KIAA1217: variants seen among roughly 807,000 people sequenced by gnomAD.
The protein encoded by KIAA1217 is sickle tail protein homolog.
KIAA1217 carries 88 observed loss-of-function variants against 163.9 expected under a neutral mutation model. That is an observed-to-expected ratio of 0.54 (90% CI 0.45 to 0.64). The LOEUF is 0.64. Ranked by LOEUF, KIAA1217 falls within the 30% of genes least tolerant of loss-of-function variation. The pLI, the probability that KIAA1217 is intolerant of heterozygous loss-of-function variation, is 0.00. For synonymous variants in KIAA1217, 903 were observed against 923.1 expected (o/e 0.98, Z 0.39); for missense variants, 2,372 against 2,475.0 (o/e 0.96, Z 0.88).
intron 4 of KIAA1217, among the ~76,000 whole-genome samples, chr10:24,436,887 G>A (rs1253805999): frequency 6.6e-6 from 1 of 151,766 alleles, no homozygotes; most frequent in African/African-American, 2.4e-5. Flanking sequence ...TTTCTGAAGC[G>A]TGAGCATATT....
At chr10:24,408,569 G>A (rs572773766) in intron 3 of KIAA1217, among the ~76,000 whole-genome samples, 9 of 152,138 alleles carry the variant, frequency 5.9e-5, no homozygotes, top group African/African-American at 1.9e-4. Flanking sequence ...CTCATCCCCT[G>A]CCACCCTCCT....
At chr10:24,071,656 G>A (rs2061190808) in intron 2 of KIAA1217, among the ~76,000 whole-genome samples, 1 of 152,142 alleles carries the variant, frequency 6.6e-6, no homozygotes, top group Non-Finnish European at 1.5e-5. Context: ...AGCCTAGTAT[G>A]GATTCACTCA....
intron 2 of KIAA1217, among the ~76,000 whole-genome samples, chr10:24,017,040 GT>G (rs35042335): frequency 0.3 from 38,977 of 128,976 alleles, 2,851 homozygotes; most frequent in East Asian, 0.33. Context: ...TAGTTTTTTT[GT>G]TTTTTTTTTT....
intron 1 of KIAA1217, among the ~76,000 whole-genome samples, chr10:23,733,519 A>G (rs1025697227): frequency 6.6e-6 from 1 of 152,182 alleles, no homozygotes; most frequent in Non-Finnish European, 1.5e-5. Flanking sequence ...TGTTTATTTT[A>G]AATCATCTTT....
intron 3 of KIAA1217, among the ~76,000 whole-genome samples, chr10:24,385,421 T>C (rs1208799264): frequency 1.3e-5 from 2 of 152,196 alleles, no homozygotes; most frequent in African/African-American, 4.8e-5. Flanking sequence ...CTGGTGTCTG[T>C]GTAATGGTCT....
At chr10:23,736,373 C>A (rs1469103601) in intron 1 of KIAA1217, among the ~76,000 whole-genome samples, 1 of 152,162 alleles carries the variant, frequency 6.6e-6, no homozygotes, top group South Asian at 2.1e-4. Flanking sequence ...TTGTCCCTCC[C>A]TTTTCATGTG....
intron 2 of KIAA1217, among the ~76,000 whole-genome samples, chr10:24,361,567 T>G (rs2050003516): frequency 6.6e-6 from 1 of 152,218 alleles, no homozygotes. Flanking sequence ...AGCTACTTCA[T>G]CATTGCATGT....
At chr10:23,881,318 T>C (rs919434949) in intron 1 of KIAA1217, among the ~76,000 whole-genome samples, 6 of 152,014 alleles carry the variant, frequency 3.9e-5, no homozygotes, top group Non-Finnish European at 8.8e-5. Flanking sequence ...AATATATTAA[T>C]GAATAATCTA....
At chr10:23,769,750 G>A (rs1001977400) in intron 1 of KIAA1217, among the ~76,000 whole-genome samples, 1 of 152,218 alleles carries the variant, frequency 6.6e-6, no homozygotes, top group African/African-American at 2.4e-5. Context: ...TTCAAGTCTA[G>A]TGAGGACTTA....
chr10:24,151,281 A>G (rs909001359), intron 2 of KIAA1217, among the ~76,000 whole-genome samples: 4 of 151,930 alleles, frequency 2.6e-5, no homozygotes, highest in African/African-American at 9.7e-5. Context: ...AATTTCACAT[A>G]TTTTATCTCA....
chr10:24,372,367 G>T (rs2051786964), intron 2 of KIAA1217, among the ~76,000 whole-genome samples: 1 of 152,192 alleles, frequency 6.6e-6, no homozygotes, highest in African/African-American at 2.4e-5. Flanking sequence ...GTGGCATCTG[G>T]TGTGGTGATC....
chr10:23,988,653 G>A (rs1846085351), intron 1 of KIAA1217, among the ~76,000 whole-genome samples: 1 of 152,108 alleles, frequency 6.6e-6, no homozygotes, highest in Non-Finnish European at 1.5e-5. Flanking sequence ...TCATTGTTAG[G>A]TTTTAAGATG....
chr10:24,166,911 CA>C (rs2065375833), intron 2 of KIAA1217, among the ~76,000 whole-genome samples: 1 of 152,064 alleles, frequency 6.6e-6, no homozygotes, highest in African/African-American at 2.4e-5. Flanking sequence ...AAAAATTAAT[CA>C]TTTTTTTAAA....
intron 1 of KIAA1217, among the ~76,000 whole-genome samples, chr10:23,887,983 A>G (rs1229053281): frequency 6.6e-6 from 1 of 151,914 alleles, no homozygotes; most frequent in Admixed American, 6.6e-5. Context: ...ATTTTGATAC[A>G]TTACTTAGGA....
intron 1 of KIAA1217, among the ~76,000 whole-genome samples, chr10:23,756,768 A>G (rs988222945): frequency 6.6e-6 from 1 of 152,248 alleles, no homozygotes; most frequent in African/African-American, 2.4e-5. Flanking sequence ...AACATGTATA[A>G]CATAACATAA....
At chr10:23,925,297 C>A (rs868424856) in intron 1 of KIAA1217, among the ~76,000 whole-genome samples, 4 of 152,278 alleles carry the variant, frequency 2.6e-5, no homozygotes, top group Middle Eastern at 6.8e-3. Flanking sequence ...TGCCCCTGAT[C>A]AACAAATATT....
intron 2 of KIAA1217, among the ~76,000 whole-genome samples, chr10:24,282,401 C>T (rs935864059): frequency 6.6e-6 from 1 of 152,038 alleles, no homozygotes; most frequent in South Asian, 2.1e-4. Context: ...TGCTATGTTC[C>T]CCCTCCTTCA....
intron 1 of KIAA1217, among the ~76,000 whole-genome samples, chr10:23,991,345 A>G (rs1695539105): frequency 1.3e-5 from 2 of 152,168 alleles, no homozygotes; most frequent in Non-Finnish European, 1.5e-5. Flanking sequence ...CACGTAGCCC[A>G]TCATGTACTG....
At chr10:23,860,363 A>G (rs1030164734) in intron 1 of KIAA1217, among the ~76,000 whole-genome samples, 6 of 151,906 alleles carry the variant, frequency 3.9e-5, no homozygotes, top group Admixed American at 3.9e-4. Flanking sequence ...CTACTTGGAA[A>G]CTATTCCATT....
Sources: gnomAD v4.1 joint callset for allele counts (sites outside exome capture counted in the v4.1 genomes callset) on GRCh38, gnomAD v4.1.1 for gene constraint, MANE v1.5 for transcripts, NCBI Gene and HGNC (gene_info 2026-07-23, HGNC 2026-07-21) for gene names.